KCNJ6: variants seen among roughly 807,000 people sequenced by gnomAD.
KCNJ6 encodes the protein potassium inwardly rectifying channel subfamily J member 6.
KCNJ6 carries 9 observed loss-of-function variants against 34.2 expected under a neutral mutation model. The ratio of observed to expected loss-of-function variants is 0.26; its 90% CI spans 0.16 to 0.46. The LOEUF is 0.46. Among genes scored for constraint, KCNJ6 ranks in the 20% least tolerant of loss-of-function variants. The pLI, the probability that KCNJ6 is intolerant of heterozygous loss-of-function variation, is 1.00. For missense variants in KCNJ6, 236 were observed against 531.3 expected, an observed-to-expected ratio of 0.44 and a Z score of 5.46; for synonymous variants, 196 against 207.1, an observed-to-expected ratio of 0.95 and a Z score of 0.46.
chr21:37,764,239 T>C (rs1045004331), intron 2 of KCNJ6, among the ~76,000 whole-genome samples: 1 of 152,136 alleles, frequency 6.6e-6, no homozygotes, highest in Non-Finnish European at 1.5e-5. Context: ...TTGAAGGGAC[T>C]TTCTCCTTCC....
At chr21:37,888,107 C>A (rs752137468) in intron 1 of KCNJ6, among the ~76,000 whole-genome samples, 1 of 152,222 alleles carries the variant, frequency 6.6e-6, no homozygotes, top group East Asian at 1.9e-4. Flanking sequence ...CCCATGAAAA[C>A]CAAGGCTGGC....
At chr21:37,756,680 C>T (rs75945817) in intron 2 of KCNJ6, among the ~76,000 whole-genome samples, 6,370 of 108,582 alleles carry the variant, frequency 0.059, 1 homozygote, top group African/African-American at 0.071. Flanking sequence ...GTGAGCACTC[C>T]CTCACAGCGT....
At chr21:37,721,473 A>G (rs2054826010) in intron 2 of KCNJ6, among the ~76,000 whole-genome samples, 1 of 152,218 alleles carries the variant, frequency 6.6e-6, no homozygotes, top group Non-Finnish European at 1.5e-5. Flanking sequence ...CTTGCACACC[A>G]GTGTTCATAC....
intron 1 of KCNJ6, among the ~76,000 whole-genome samples, chr21:37,864,994 T>C (rs868435209): frequency 2.6e-5 from 4 of 151,998 alleles, no homozygotes; most frequent in South Asian, 2.1e-4. Flanking sequence ...CATGAGTCAC[T>C]GTGCCTGGCC....
chr21:37,713,883 G>A (rs1444054939), intron 3 of KCNJ6, among the ~76,000 whole-genome samples: 3 of 152,094 alleles, frequency 2.0e-5, no homozygotes, highest in Non-Finnish European at 2.9e-5. Flanking sequence ...ATTTAAATTA[G>A]CAATGTTTTA....
intron 1 of KCNJ6, among the ~76,000 whole-genome samples, chr21:37,897,984 T>C (rs2055797358): frequency 6.6e-6 from 1 of 152,218 alleles, no homozygotes; most frequent in Non-Finnish European, 1.5e-5. Flanking sequence ...AAGATTCCTA[T>C]TAAATGACTG....
intron 2 of KCNJ6, among the ~76,000 whole-genome samples, chr21:37,796,354 G>A (rs914431209): frequency 3.3e-5 from 5 of 152,122 alleles, no homozygotes; most frequent in East Asian, 1.9e-4. Context: ...GATCAACCCC[G>A]TGAGCCCAAG....
chr21:37,914,235 A>G (rs1357224193), intron 1 of KCNJ6, among the ~76,000 whole-genome samples: 1 of 152,144 alleles, frequency 6.6e-6, no homozygotes, highest in Non-Finnish European at 1.5e-5. Context: ...GTAATTTGAT[A>G]TCCAGATTCT....
At chr21:37,874,407 A>G (rs978744450) in intron 1 of KCNJ6, among the ~76,000 whole-genome samples, 1 of 152,208 alleles carries the variant, frequency 6.6e-6, no homozygotes, top group South Asian at 2.1e-4. Context: ...TATTATCTCC[A>G]GCCCTTGAAC....
chr21:37,608,456 C>T lies in KCNJ6; in HGVS notation c.*16703G>A, dbSNP rs2054231856. 1.3e-5 allele frequency: 2 copies of T among 152,220 alleles called. No homozygotes were observed. The allele number at this position is 152,220 out of a possible 1,614,324, so 9.4% of individuals were successfully genotyped here. ...TACAGGCATGAACCATTGTGCTTGC[C>T]TGCCCTTGGATCTCTGTCTCCAAAA... On this transcript the variant is annotated 3_prime_UTR_variant, in exon 4 of 4. Coordinates refer to ENST00000609713, the MANE Select transcript of KCNJ6 (RefSeq NM_002240.5).
intron 3 of KCNJ6, among the ~76,000 whole-genome samples, chr21:37,633,439 A>G (rs857974): frequency 0.71 from 107,872 of 152,002 alleles, 38,466 homozygotes; most frequent in East Asian, 0.83. Flanking sequence ...GCTTGCTATC[A>G]CCTTTTCTAT....
intron 2 of KCNJ6, among the ~76,000 whole-genome samples, chr21:37,717,715 C>A (rs1323594672): frequency 6.6e-6 from 1 of 152,232 alleles, no homozygotes; most frequent in Non-Finnish European, 1.5e-5. Context: ...TGGTGTATAT[C>A]CCGTCTTGAC....
chr21:37,641,795 T>TG (rs1186903855), intron 3 of KCNJ6, among the ~76,000 whole-genome samples: 1 of 152,012 alleles, frequency 6.6e-6, no homozygotes, highest in African/African-American at 2.4e-5. Context: ...TAAGCAGATG[T>TG]GGGGGAAATA....
At chr21:37,661,614 G>GTTCTTT (rs766622814) in intron 3 of KCNJ6, among the ~76,000 whole-genome samples, 22,923 of 71,284 alleles carry the variant, frequency 0.32, 6,373 homozygotes, top group Admixed American at 0.4. Context: ...AAGAGACATA[G>GTTCTTT]TTTTTTTTTT....
intron 2 of KCNJ6, among the ~76,000 whole-genome samples, chr21:37,749,662 G>T (rs897149831): frequency 3.9e-5 from 6 of 152,200 alleles, no homozygotes; most frequent in African/African-American, 1.4e-4. Flanking sequence ...TTAGCAAGGA[G>T]CTAGGAAAGT....
In KCNJ6 at chr21:37,626,014, G is replaced by A. The variant is rs1057203247; in HGVS notation, c.947-530C>T. Among the ~76,000 whole-genome samples the A allele has an allele frequency of 5.3e-5, 8 of 152,218 alleles. 1 individual carries two copies. The highest frequency in any genetic ancestry group is 5.2e-4 in the Admixed American group (8 of 15,286). ...TGCCATTAACACACAGGCCATGACT[G>A]TGGCTCCAGATGCAGTTGGAAGGGT... On this transcript the variant is annotated intron_variant, in intron 3 of 3. Transcript: ENST00000609713.
chr21:37,892,448 T>C (rs1320472131), intron 1 of KCNJ6, among the ~76,000 whole-genome samples: 5 of 152,240 alleles, frequency 3.3e-5, no homozygotes, highest in Non-Finnish European at 7.3e-5. Flanking sequence ...TGTTAGTATC[T>C]GGCTATATTT....
intron 2 of KCNJ6, among the ~76,000 whole-genome samples, chr21:37,792,630 A>G (rs984951241): frequency 2.0e-5 from 3 of 152,162 alleles, no homozygotes; most frequent in African/African-American, 7.2e-5. Flanking sequence ...CACTCCTCAT[A>G]GTAGGCTTAG....
chr21:37,708,532 G>C (rs2054733097), intron 3 of KCNJ6, among the ~76,000 whole-genome samples: 1 of 150,988 alleles, frequency 6.6e-6, no homozygotes, highest in Non-Finnish European at 1.5e-5. Flanking sequence ...TGGATTTCTT[G>C]ATTTACGGGT....
Sources: gnomAD v4.1 joint callset for allele counts (sites outside exome capture counted in the v4.1 genomes callset) on GRCh38, gnomAD v4.1.1 for gene constraint, MANE v1.5 for transcripts, NCBI Gene and HGNC (gene_info 2026-07-23, HGNC 2026-07-21) for gene names.